TMEM62: variants seen among roughly 807,000 people sequenced by gnomAD.
TMEM62 encodes transmembrane protein 62.
In TMEM62, 41 loss-of-function variants were observed where a neutral mutation model predicts 70.4. The ratio of observed to expected loss-of-function variants is 0.58; its 90% CI spans 0.45 to 0.76. The LOEUF is 0.76. Ranked by LOEUF, TMEM62 falls within the 30% of genes least tolerant of loss-of-function variation. The pLI is 0.00. For missense variants in TMEM62, 688 were observed against 788.5 expected (o/e 0.87, Z 1.53); for synonymous variants, 268 against 291.0 (o/e 0.92, Z 0.80).
chr15:43,183,856 C>A (rs1237456659), intron 13 of TMEM62, among the ~76,000 whole-genome samples: 1 of 152,146 alleles, frequency 6.6e-6, no homozygotes, highest in East Asian at 1.9e-4. Context: ...CAGTACTTAT[C>A]ATGCTACCTC....
chr15:43,154,662 C>A lies in TMEM62; in HGVS notation c.1023-10C>A. 3.8e-6 allele frequency: 6 copies of A among 1,594,262 alleles called. No individual in the cohort carries two copies. The highest frequency in any genetic ancestry group is 5.1e-6 in the Non-Finnish European group (6 of 1,173,900). On this transcript the variant is annotated splice_polypyrimidine_tract_variant and intron_variant, in intron 8 of 13. Transcript: ENST00000260403. ...TCAAACCATGTGTTTTATATATGCT[C>A]TCATTTTAGAGTCTTGGCCTTTTCC...
chr15:43,167,624 C>G (rs978228510), intron 10 of TMEM62, among the ~76,000 whole-genome samples: 2 of 151,620 alleles, frequency 1.3e-5, no homozygotes, highest in African/African-American at 4.8e-5. Context: ...GGCAGAGACG[C>G]TCCTCACTTT....
chr15:43,166,865 A>G lies in TMEM62; in HGVS notation c.1297-2728A>G, dbSNP rs2039487841. The stretch of plus-strand genomic sequence containing the variant: ...CACAGGGTTGGGGGTAAGGTCACAG[A>G]TCAACAGGATCCCAAGGCAGAATAA... On this transcript the variant is annotated intron_variant, in intron 10 of 13. Transcript: ENST00000260403. Among the ~76,000 whole-genome samples, 3 of 152,326 alleles carry G rather than the reference A, an allele frequency of 2.0e-5. No homozygotes were observed. The South Asian group carries it at 6.2e-4, about 32-fold the overall frequency.
chr15:43,164,794 A>G (rs1472004703), intron 10 of TMEM62, among the ~76,000 whole-genome samples: 1 of 152,086 alleles, frequency 6.6e-6, no homozygotes, highest in Non-Finnish European at 1.5e-5. Context: ...TGTTTGGGAA[A>G]GTCTTTATTT....
Position 43,169,683 on chromosome 15 carries a change from T to A in TMEM62, c.1381+6T>A. ...AGGATACCCAGAGCTTAAAGGTTAG[T>A]TATGGTTCCTTTTATTCCTATAAGC... On this transcript the variant is annotated splice_donor_region_variant and intron_variant, in intron 11 of 13. Transcript: ENST00000260403. The A allele has an allele frequency of 6.2e-7, 1 of 1,609,398 alleles. No individual in the cohort carries two copies. Among genetic ancestry groups the A allele is most frequent in the South Asian group, 1.1e-5 (1 of 90,634 alleles).
At chr15:43,154,893 T>C in intron 9 of TMEM62, 62 bp downstream of exon 9, 2 of 1,406,082 alleles carry the variant, frequency 1.4e-6, no homozygotes, top group Non-Finnish European at 1.9e-6. Flanking sequence ...TGAATTCTGG[T>C]TTGGAATTTT....
chr15:43,157,855 C>T (rs2038227454), intron 9 of TMEM62, among the ~76,000 whole-genome samples: 1 of 152,160 alleles, frequency 6.6e-6, no homozygotes, highest in Admixed American at 6.5e-5. Context: ...GATAGATAGG[C>T]AGATAGATAG....
chr15:43,140,312 C>T (rs554892676), intron 4 of TMEM62, among the ~76,000 whole-genome samples: 6 of 152,282 alleles, frequency 3.9e-5, no homozygotes, highest in South Asian at 4.2e-4. Flanking sequence ...CTGCCTTCAC[C>T]GGGGCCACCT....
At chr15:43,140,533 G>A (rs942619087) in intron 4 of TMEM62, among the ~76,000 whole-genome samples, 1 of 152,160 alleles carries the variant, frequency 6.6e-6, no homozygotes, top group Non-Finnish European at 1.5e-5. Flanking sequence ...GGATCTTCTT[G>A]GCATTGGTAT....
At chr15:43,170,324 C>T (rs1013588324) in intron 11 of TMEM62, among the ~76,000 whole-genome samples, 1 of 152,006 alleles carries the variant, frequency 6.6e-6, no homozygotes, top group South Asian at 2.1e-4. Flanking sequence ...TCTTTGGGGT[C>T]CCCTTGGCCA....
intron 5 of TMEM62, 123 bp downstream of exon 5, chr15:43,146,757 T>C (rs2036721101): frequency 3.3e-6 from 3 of 915,770 alleles, no homozygotes; most frequent in Non-Finnish European, 1.6e-6. Flanking sequence ...AAATTTAACT[T>C]GGTTACAGGT....
chr15:43,174,255 G>C (rs535869633), intron 11 of TMEM62, among the ~76,000 whole-genome samples: 1 of 152,262 alleles, frequency 6.6e-6, no homozygotes, highest in South Asian at 2.1e-4. Flanking sequence ...AATACTTGTT[G>C]AATCAAATTT....
Position 43,148,757 on chromosome 15 carries a change from A to G in TMEM62, c.621A>G (p.Lys207=). The change falls in exon 6 of 14, where the codon AAA becomes AAG. Residue 207 remains lysine (K), a splice_region_variant and synonymous_variant. Coordinates refer to ENST00000260403, the MANE Select transcript of TMEM62 (RefSeq NM_024956.4). ...PYNFFGILDK[K]KMEELLLLAK... ...CTTCCATTTTTCTCCCATCTCAGAA[A>G]AAGATGGAGGAGCTCTTATTACTGG... The G allele has an allele frequency of 1.9e-6, 3 of 1,611,618 alleles. No individual in the cohort carries two copies. Among genetic ancestry groups the G allele is most frequent in the Non-Finnish European group, 1.7e-6 (2 of 1,179,442 alleles).
At chr15:43,183,366 C>T (rs765437174) in intron 13 of TMEM62, among the ~76,000 whole-genome samples, 28 of 152,246 alleles carry the variant, frequency 1.8e-4, no homozygotes, top group Non-Finnish European at 3.5e-4. Flanking sequence ...AATCAGCTCA[C>T]TTACTTTTCA....
In TMEM62 at chr15:43,167,750, C is replaced by A. The variant is rs2141949791; in HGVS notation, c.1297-1843C>A. On this transcript the variant is annotated intron_variant, in intron 10 of 13. Transcript: ENST00000260403. ...GGCCGGGTAGAGGCTGCAATCTCGG[C>A]ACTTTGGGAGGCCAAGGCAGGCTGC... Among the ~76,000 whole-genome samples, 2 of 152,314 alleles carry A rather than the reference C, an allele frequency of 1.3e-5. 1 individual carries two copies. Among genetic ancestry groups the A allele is most frequent in the Middle Eastern group, 6.8e-3 (2 of 294 alleles).
At chr15:43,182,756 A>G (rs969547807) in intron 13 of TMEM62, among the ~76,000 whole-genome samples, 5 of 152,118 alleles carry the variant, frequency 3.3e-5, no homozygotes, top group Non-Finnish European at 7.4e-5. Context: ...ACCCAGCCTC[A>G]TTGCAGTTTT....
intron 4 of TMEM62, among the ~76,000 whole-genome samples, chr15:43,138,826 G>A (rs1266536602): frequency 6.6e-6 from 1 of 152,204 alleles, no homozygotes; most frequent in African/African-American, 2.4e-5. Flanking sequence ...ACATGCTACT[G>A]TGCCTAGCTG....
chr15:43,150,490 C>G (rs2037234624), intron 7 of TMEM62, among the ~76,000 whole-genome samples: 1 of 152,084 alleles, frequency 6.6e-6, no homozygotes, highest in African/African-American at 2.4e-5. Flanking sequence ...CTTTACCTGC[C>G]CTTATAAACA....
chr15:43,160,554 A>T, intron 9 of TMEM62, 127 bp from the exon 10 acceptor site: 1 of 612,522 alleles, frequency 1.6e-6, no homozygotes, highest in South Asian at 2.2e-5. Context: ...AACAACAACA[A>T]CAACAACAAC....
Sources: allele counts gnomAD v4.1 joint callset (sites outside exome capture counted in the v4.1 genomes callset), GRCh38; gene constraint gnomAD v4.1.1; transcripts MANE v1.5; gene names NCBI Gene and HGNC (gene_info 2026-07-23, HGNC 2026-07-21).